The following TAF5L variants were observed in gnomAD, a reference collection of about 807,000 sequenced individuals.
The protein encoded by TAF5L is TATA-box binding protein associated factor 5 like.
TAF5L carries 7 observed loss-of-function variants against 51.3 expected under a neutral mutation model. That is an observed-to-expected ratio of 0.14 (90% confidence interval 0.08 to 0.26). TAF5L has a LOEUF of 0.26. TAF5L is among the 10% of genes least tolerant of loss of function. The pLI, the probability that TAF5L is intolerant of heterozygous loss-of-function variation, is 1.00. For synonymous variants in TAF5L, 291 were observed against 308.1 expected, an observed-to-expected ratio of 0.94 and a Z score of 0.58; for missense variants, 575 against 758.9, an observed-to-expected ratio of 0.76 and a Z score of 2.85.
rs753978723 is a variant in TAF5L, at chr1:229,594,299, A to T, written c.1768T>A (p.Ter590LysextTer22). The change falls in exon 5 of 5, where the codon TAA becomes AAA. Residue 590 changes from the stop codon to lysine (K), a stop_lost. Coordinates refer to ENST00000258281, the Ensembl canonical transcript of TAF5L. The surrounding 1 kb of genome is among the most constrained non-coding windows in gnomAD (Gnocchi z 7.9). ...TCCGTTCCAACAAAGTTAAAAAATTAATGTTCCTGATTTTCTTGTGTAATT... is the reference window on the plus strand; with the variant it reads ...TCCGTTCCAACAAAGTTAAAAAATTTATGTTCCTGATTTTCTTGTGTAATT... 6.2e-7 allele frequency: 1 copy of T among 1,604,012 alleles called. No individual in the cohort carries two copies. Among genetic ancestry groups the T allele is most frequent in the South Asian group, 1.1e-5 (1 of 90,670 alleles).
chr1:229,613,247 T>G (rs1361208171), intron 2 of TAF5L, among the ~76,000 whole-genome samples: 1 of 150,630 alleles, frequency 6.6e-6, no homozygotes, highest in Non-Finnish European at 1.5e-5. Flanking sequence ...GGAGGATCAC[T>G]TGAGCCTGGG....
chr1:229,600,398 A>G, intron 4 of TAF5L: 4 of 985,406 alleles, frequency 4.1e-6, no homozygotes, highest in Non-Finnish European at 4.8e-6. Flanking sequence ...AAAGCCAGAA[A>G]TGCTTAAACA....
intron 3 of TAF5L, 116 bp from the exon 4 acceptor site, chr1:229,603,035 A>G: frequency 1.4e-6 from 2 of 1,435,998 alleles, no homozygotes; most frequent in Non-Finnish European, 1.8e-6. Flanking sequence ...CCATTTTTTA[A>G]GAGTACTGAT....
chr1:229,619,388 T>C (rs927412940), intron 1 of TAF5L, among the ~76,000 whole-genome samples: 11 of 152,210 alleles, frequency 7.2e-5, no homozygotes, highest in African/African-American at 2.2e-4. Flanking sequence ...TTTTTTCCCA[T>C]GGTGTCCTAA....
chr1:229,601,968 TACTG>T, intron 4 of TAF5L: 1 of 1,366,944 alleles, frequency 7.3e-7, no homozygotes. Flanking sequence ...ATAGTATAAA[TACTG>T]ACCATTCATT....
chr1:229,595,912 G>A (rs766444266), intron 4 of TAF5L, among the ~76,000 whole-genome samples: 54 of 152,134 alleles, frequency 3.5e-4, no homozygotes, highest in Admixed American at 2.2e-3. Flanking sequence ...TGATCCGCCC[G>A]CCTTGGCCTC....
intron 1 of TAF5L, among the ~76,000 whole-genome samples, chr1:229,615,752 G>T (rs965097772): frequency 2.6e-5 from 4 of 152,146 alleles, no homozygotes; most frequent in African/African-American, 9.7e-5. Context: ...ACCAATGACA[G>T]CTGGATGAAT....
At chr1:229,624,475 C>A (rs746601594) in intron 1 of TAF5L, among the ~76,000 whole-genome samples, 5 of 152,126 alleles carry the variant, frequency 3.3e-5, no homozygotes, top group Admixed American at 2.6e-4. Context: ...TAATAGCTAA[C>A]ATTTAGCTAT....
rs1000898431 is a variant in TAF5L at position 229,616,374 on chromosome 1, A to AT, written c.-3-1890dup. Among the ~76,000 whole-genome samples the AT allele has an allele frequency of 3.0e-3, 227 of 76,036 alleles. 1 individual carries two copies. Among genetic ancestry groups the AT allele is most frequent in the South Asian group, 6.4e-3 (10 of 1,564 alleles). 49.9% of individuals were successfully genotyped at this position (76,036 alleles called of 152,430 possible). A position where few individuals can be genotyped will look rare whatever the true frequency, so the allele number is the denominator to read the frequency against. On this transcript the variant is annotated intron_variant, in intron 1 of 4. Coordinates refer to ENST00000258281, the Ensembl canonical transcript of TAF5L. ...TCCGGAAGTCTATTTATTTATTTAT[A>AT]TTTTTTTTTTTAGTAGAGAAGGGGT...
At chr1:229,611,899 T>C (rs1319796123) in intron 2 of TAF5L, among the ~76,000 whole-genome samples, 3 of 152,212 alleles carry the variant, frequency 2.0e-5, no homozygotes, top group African/African-American at 7.2e-5. Flanking sequence ...CCCCCAACTA[T>C]ATGTCAGGAA....
chr1:229,607,045 G>A (rs768997172), intron 3 of TAF5L: 54 of 985,154 alleles, frequency 5.5e-5, no homozygotes, highest in Non-Finnish European at 6.5e-5. Flanking sequence ...CTAAATCCTA[G>A]CCTCAAATTT....
At chr1:229,618,275 C>T (rs1004787792) in intron 1 of TAF5L, among the ~76,000 whole-genome samples, 8 of 152,132 alleles carry the variant, frequency 5.3e-5, no homozygotes, top group South Asian at 2.1e-4. Flanking sequence ...TATAATTATA[C>T]TCTTTGTTAA....
intron 1 of TAF5L, among the ~76,000 whole-genome samples, chr1:229,622,013 A>AT (rs1321567920): frequency 3.5e-4 from 50 of 142,960 alleles, no homozygotes; most frequent in African/African-American, 1.3e-3. Context: ...CTTTTCATTC[A>AT]TCATCATCTA....
Position 229,594,270 on chromosome 1 carries a change from C to T in TAF5L, c.*27G>A. The T allele has an allele frequency of 6.3e-7, 1 of 1,584,658 alleles. No individual in the cohort carries two copies. Among genetic ancestry groups the T allele is most frequent in the Non-Finnish European group, 8.6e-7 (1 of 1,163,728 alleles). ...CAACTGGAGGCTTTCCACTGTTACC[C>T]CAGTCCGTTCCAACAAAGTTAAAAA... On this transcript the variant is annotated 3_prime_UTR_variant, in exon 5 of 5. Coordinates refer to ENST00000258281, the Ensembl canonical transcript of TAF5L. The surrounding 1 kb of genome is among the most constrained non-coding windows in gnomAD (Gnocchi z 7.9).
chr1:229,602,610 G>A lies in TAF5L; in HGVS notation c.557C>T (p.Ala186Val), dbSNP rs775624384. 4 of 1,614,074 alleles carry A rather than the reference G, an allele frequency of 2.5e-6. No individual in the cohort carries two copies. Among genetic ancestry groups the A allele is most frequent in the Admixed American group, 3.3e-5 (2 of 60,000 alleles). Residue 186 changes from alanine (A) to valine (V), a missense_variant, in exon 4 of 5, where the codon GCC (alanine) becomes GTC (valine). Around this residue, in one of 3 missense-constraint regions of TAF5L, gnomAD observed 380 missense variants for 443.7 expected, o/e 0.86. Transcript: ENST00000258281. This position sits in a 1 kb window ranked among gnomAD's most constrained non-coding sequence, Gnocchi z 4.6. ...ATGTAAGGTGAGGACTTTGCACAGG[G>A]CAGTATTGTTGTCACTTTGGAGGTA...
intron 2 of TAF5L, among the ~76,000 whole-genome samples, chr1:229,612,985 G>A (rs1664841392): frequency 7.2e-6 from 1 of 138,186 alleles, no homozygotes; most frequent in South Asian, 2.6e-4. Flanking sequence ...AAGTATCCCA[G>A]CAATTTTTTT....
Position 229,610,005 on chromosome 1 carries a change from G to A in TAF5L, c.247+101C>T, listed in dbSNP as rs73101766. 5.2e-3 allele frequency: 4,673 copies of A among 899,498 alleles called. 161 individuals carry two copies. The African/African-American group carries it at 0.069, about 13-fold the overall frequency. 55.7% of individuals were successfully genotyped at this position (899,498 alleles called of 1,614,324 possible). The stretch of plus-strand genomic sequence containing the variant: ...CTATTTTTTAATTTTTCTTTTTACC[G>A]CTCCTTGTGGAGCAGGGCTAACTCA... On this transcript the variant is annotated intron_variant, in intron 3 of 4. Coordinates refer to ENST00000258281, the Ensembl canonical transcript of TAF5L.
chr1:229,609,793 T>A (rs1361337178), intron 3 of TAF5L, among the ~76,000 whole-genome samples: 2 of 123,950 alleles, frequency 1.6e-5, no homozygotes, highest in Non-Finnish European at 3.5e-5. Context: ...CTGAAGGCCA[T>A]GAATAAAACA....
At chr1:229,608,246 T>C (rs538782401) in intron 3 of TAF5L, among the ~76,000 whole-genome samples, 115 of 152,276 alleles carry the variant, frequency 7.6e-4, no homozygotes, top group Non-Finnish European at 1.5e-3. Flanking sequence ...TTACAGGAAA[T>C]AAGGGTTACA....
Sources: allele counts gnomAD v4.1 joint callset (sites outside exome capture counted in the v4.1 genomes callset), GRCh38; gene constraint gnomAD v4.1.1; regional missense constraint gnomAD v4.1.1; non-coding constraint Gnocchi (gnomAD v3.1); transcripts MANE v1.5; gene names NCBI Gene and HGNC (gene_info 2026-07-23, HGNC 2026-07-21).